SOBP: variants seen among roughly 807,000 people sequenced by gnomAD.
SOBP encodes the protein sine oculis-binding protein homolog.
Under a neutral mutation model 53.6 loss-of-function variants are expected in SOBP, and 4 were observed. That is an observed-to-expected ratio of 0.07 (90% CI 0.04 to 0.17). SOBP has a LOEUF of 0.17. Among genes scored for constraint, SOBP ranks in the 10% least tolerant of loss-of-function variants. The pLI is 1.00. For synonymous variants in SOBP, 584 were observed against 522.6 expected, an observed-to-expected ratio of 1.12 and a Z score of -1.60; for missense variants, 1,088 against 1,204.7, an observed-to-expected ratio of 0.90 and a Z score of 1.43.
At chr6:107,618,654 C>T (rs1330769766) in intron 5 of SOBP, among the ~76,000 whole-genome samples, 1 of 152,122 alleles carries the variant, frequency 6.6e-6, no homozygotes, top group African/African-American at 2.4e-5. Flanking sequence ...CAAAAAATAG[C>T]GATATGCCAT....
chr6:107,490,537 C>T lies in SOBP; in HGVS notation c.-80C>T. On this transcript the variant is annotated 5_prime_UTR_variant, in exon 1 of 7. Coordinates refer to ENST00000317357, the MANE Select transcript of SOBP (RefSeq NM_018013.4). ...AGCCTCGCCACCATCAGCACCACCT[C>T]CACCGCCGCCGCCGCCGCCACCACC... The T allele has an allele frequency of 9.6e-7, 1 of 1,037,302 alleles. No individual in the cohort carries two copies. 64.3% of individuals were successfully genotyped at this position (1,037,302 alleles called of 1,614,324 possible).
At chr6:107,577,562 A>T (rs1313869448) in intron 4 of SOBP, among the ~76,000 whole-genome samples, 1 of 152,248 alleles carries the variant, frequency 6.6e-6, no homozygotes, top group Non-Finnish European at 1.5e-5. Flanking sequence ...ACAGGAGACA[A>T]GATAGCATGA....
intron 6 of SOBP, among the ~76,000 whole-genome samples, chr6:107,644,890 A>T (rs1771490026): frequency 6.6e-6 from 1 of 152,236 alleles, no homozygotes; most frequent in African/African-American, 2.4e-5. Context: ...CCAAAAATAC[A>T]TGCAGATCTC....
rs530438045 is a variant in SOBP, at chr6:107,571,163, T to C, written c.574-15917T>C. Among the ~76,000 whole-genome samples, 12 of 152,304 alleles carry C rather than the reference T, an allele frequency of 7.9e-5. No individual in the cohort carries two copies. The South Asian group carries it at 1.2e-3, about 16-fold the overall frequency. ...TGATGTATGTCACAGAGGAAAGATA[T>C]AGGAGAAATATGGCAGATAATGCCC... On this transcript the variant is annotated intron_variant, in intron 4 of 6. Coordinates refer to ENST00000317357, the MANE Select transcript of SOBP (RefSeq NM_018013.4).
chr6:107,634,490 C>T lies in SOBP; in HGVS notation c.1646C>T (p.Ser549Phe). 6.2e-7 allele frequency: 1 copy of T among 1,611,812 alleles called. No individual in the cohort carries two copies. The highest frequency in any genetic ancestry group is 8.5e-7 in the Non-Finnish European group (1 of 1,179,912). ...IPIPIPHVSD[S>F]KPPNGFSSNG... is the part of the protein sequence containing the mutation. The stretch of plus-strand genomic sequence containing the variant: ...ATCCCTATCCCTCACGTCAGCGACT[C>T]CAAGCCCCCCAACGGGTTCTCCAGC... Residue 549 changes from serine to phenylalanine, a missense_variant, in exon 6 of 7, where the codon TCC becomes TTC. This residue lies in a region of SOBP where 665 missense variants were observed against 629.7 expected (regional missense o/e 1.06). Transcript: ENST00000317357. This position sits in a 1 kb window ranked among gnomAD's most constrained non-coding sequence, Gnocchi z 4.5.
At chr6:107,599,423 A>T (rs983079222) in intron 5 of SOBP, among the ~76,000 whole-genome samples, 10 of 152,214 alleles carry the variant, frequency 6.6e-5, no homozygotes, top group South Asian at 2.1e-4. Flanking sequence ...TATGATATAC[A>T]GCTTTCGGTC....
intron 4 of SOBP, among the ~76,000 whole-genome samples, chr6:107,582,840 C>T (rs999789435): frequency 1.3e-5 from 2 of 152,126 alleles, no homozygotes; most frequent in African/African-American, 2.4e-5. Context: ...TATCTAGAGC[C>T]GACAGTGGGG....
intron 3 of SOBP, among the ~76,000 whole-genome samples, chr6:107,512,631 G>A (rs1009015190): frequency 1.3e-5 from 2 of 152,236 alleles, no homozygotes; most frequent in African/African-American, 2.4e-5. Flanking sequence ...TCAACTTCTG[G>A]TCAAAGTAGC....
At chr6:107,553,911 A>G (rs1251147537) in intron 4 of SOBP, among the ~76,000 whole-genome samples, 1 of 152,146 alleles carries the variant, frequency 6.6e-6, no homozygotes, top group Non-Finnish European at 1.5e-5. Flanking sequence ...AGAGTTCTAT[A>G]TAATGTAACA....
At chr6:107,593,128 C>T (rs1785818695) in intron 5 of SOBP, among the ~76,000 whole-genome samples, 1 of 152,192 alleles carries the variant, frequency 6.6e-6, no homozygotes, top group African/African-American at 2.4e-5. Context: ...TCTTGTAGTT[C>T]AGGTCCTTTC....
intron 4 of SOBP, among the ~76,000 whole-genome samples, chr6:107,557,255 CAT>C (rs1431804574): frequency 3.3e-5 from 5 of 151,998 alleles, no homozygotes; most frequent in South Asian, 2.1e-4. Flanking sequence ...AAAATGGAAA[CAT>C]ATAAAACTTC....
intron 4 of SOBP, among the ~76,000 whole-genome samples, chr6:107,572,820 A>G (rs1239038316): frequency 6.6e-6 from 1 of 152,214 alleles, no homozygotes; most frequent in African/African-American, 2.4e-5. Context: ...AAGTTTACGT[A>G]GGGTGAAGTT....
At chr6:107,618,360 G>C (rs1786875199) in intron 5 of SOBP, among the ~76,000 whole-genome samples, 1 of 152,200 alleles carries the variant, frequency 6.6e-6, no homozygotes, top group Admixed American at 6.5e-5. Flanking sequence ...ACTTAGTCTA[G>C]GGGTAGCTGA....
rs1405814508 is a variant in SOBP at position 107,506,285 on chromosome 6, T to A, written c.279T>A (p.Ile93=). The A allele has an allele frequency of 6.2e-7, 1 of 1,614,208 alleles. No individual in the cohort carries two copies. The highest frequency in any genetic ancestry group is 2.2e-5 in the East Asian group (1 of 44,890). The change falls in exon 3 of 7, where the codon ATT becomes ATA. Residue 93 remains isoleucine (I), a synonymous_variant. Coordinates refer to ENST00000317357, the MANE Select transcript of SOBP (RefSeq NM_018013.4). ...CAAAATTACCCGAGGACAGTGTTAT[T>A]TCACCATACAATATAAGCACAGGCT... is the stretch of plus-strand genomic sequence containing the variant. ...PKPKLPEDSV[I]SPYNISTGYS... is the part of the protein sequence containing the mutation.
intron 1 of SOBP, among the ~76,000 whole-genome samples, chr6:107,496,323 C>G (rs1782697633): frequency 1.3e-5 from 2 of 152,200 alleles, no homozygotes; most frequent in Non-Finnish European, 2.9e-5. Context: ...AATTTCACAG[C>G]ATTTGTTTGA....
intron 4 of SOBP, among the ~76,000 whole-genome samples, chr6:107,533,907 A>C (rs1378995786): frequency 6.6e-6 from 1 of 152,142 alleles, no homozygotes; most frequent in African/African-American, 2.4e-5. Context: ...TAGAGTGCAG[A>C]CTGCACTCTG....
At chr6:107,532,963 C>T (rs1783875365) in intron 3 of SOBP, among the ~76,000 whole-genome samples, 1 of 152,138 alleles carries the variant, frequency 6.6e-6, no homozygotes, top group Non-Finnish European at 1.5e-5. Context: ...TAGCACATAT[C>T]ATTTAACAGT....
chr6:107,617,440 C>T (rs970051098), intron 5 of SOBP, among the ~76,000 whole-genome samples: 5 of 152,176 alleles, frequency 3.3e-5, no homozygotes. Flanking sequence ...TTGGGTTGAA[C>T]AGAGGGTTTG....
At chr6:107,649,588 C>A (rs1216579962) in intron 6 of SOBP, among the ~76,000 whole-genome samples, 1 of 151,568 alleles carries the variant, frequency 6.6e-6, no homozygotes, top group African/African-American at 2.4e-5. Context: ...TCCTGCAGAA[C>A]AGCTCTATCA....
Sources: allele counts gnomAD v4.1 joint callset (sites outside exome capture counted in the v4.1 genomes callset), GRCh38; gene constraint gnomAD v4.1.1; regional missense constraint gnomAD v4.1.1; non-coding constraint Gnocchi (gnomAD v3.1); transcripts MANE v1.5; gene names NCBI Gene and HGNC (gene_info 2026-07-23, HGNC 2026-07-21).